LMOD1: variants seen among roughly 807,000 people sequenced by gnomAD.
LMOD1 encodes leiomodin 1, also known as leiomodin-1.
Under a neutral mutation model 36.5 loss-of-function variants are expected in LMOD1, and 8 were observed. The observed-to-expected ratio is 0.22, with a 90% CI of 0.13 to 0.40. The LOEUF (loss-of-function observed/expected upper bound fraction) is 0.40. LMOD1 is among the 10% of genes least tolerant of loss of function. LMOD1 has a pLI of 1.00. For missense variants in LMOD1, 630 were observed against 751.1 expected (o/e 0.84, Z 1.88); for synonymous variants, 284 against 288.7 (o/e 0.98, Z 0.17).
At chr1:201,933,420 A>G (rs1571590516) in intron 1 of LMOD1, among the ~76,000 whole-genome samples, 1 of 151,442 alleles carries the variant, frequency 6.6e-6, no homozygotes, top group Non-Finnish European at 1.5e-5. Context: ...GTCTCAAAAA[A>G]AAAAAAATGC....
At chr1:201,911,213 G>A (rs919423759) in intron 1 of LMOD1, among the ~76,000 whole-genome samples, 3 of 152,222 alleles carry the variant, frequency 2.0e-5, no homozygotes, top group Admixed American at 2.0e-4. Context: ...TCTGCAGAGA[G>A]ATGGTGAATC....
intron 1 of LMOD1, among the ~76,000 whole-genome samples, chr1:201,914,321 C>A (rs2102916305): frequency 6.6e-6 from 1 of 152,288 alleles, no homozygotes; most frequent in East Asian, 1.9e-4. Flanking sequence ...ATGCTGAGGA[C>A]CAGCTTGAGA....
chr1:201,916,502 G>A (rs550054324), intron 1 of LMOD1, among the ~76,000 whole-genome samples: 1 of 143,278 alleles, frequency 7.0e-6, no homozygotes, highest in Non-Finnish European at 1.5e-5. Flanking sequence ...GCAACAGAGA[G>A]AGACCCTGTC....
intron 1 of LMOD1, among the ~76,000 whole-genome samples, chr1:201,908,851 C>G (rs572955085): frequency 1.3e-5 from 2 of 152,356 alleles, no homozygotes; most frequent in South Asian, 4.1e-4. Flanking sequence ...CATGGCCCCT[C>G]AACTCCAGAG....
Position 201,923,637 on chromosome 1 carries a change from G to A in LMOD1, c.261+22443C>T, listed in dbSNP as rs188797685. On this transcript the variant is annotated intron_variant, in intron 1 of 2. Coordinates refer to ENST00000367288, the MANE Select transcript of LMOD1 (RefSeq NM_012134.3). ...CAGCACTTTGAGAGGCCAACGGGGG[G>A]CAGATTGCTTGAGTTCAGGAGTTCG... Among the ~76,000 whole-genome samples the A allele has an allele frequency of 2.6e-5, 4 of 151,878 alleles. No individual in the cohort carries two copies. In the East Asian group the frequency reaches 5.9e-4, roughly 22 times the overall value.
chr1:201,937,013 C>G (rs1056495092), intron 1 of LMOD1, among the ~76,000 whole-genome samples: 2 of 152,152 alleles, frequency 1.3e-5, no homozygotes, highest in Non-Finnish European at 2.9e-5. Flanking sequence ...GAAGTGGTCT[C>G]CCATTGATAT....
intron 1 of LMOD1, among the ~76,000 whole-genome samples, chr1:201,922,253 G>A (rs956328148): frequency 6.6e-6 from 1 of 152,108 alleles, no homozygotes. Context: ...AGACCCAAGA[G>A]AATTGAAAAT....
intron 1 of LMOD1, among the ~76,000 whole-genome samples, chr1:201,921,753 G>T (rs989659695): frequency 1.3e-5 from 2 of 151,872 alleles, no homozygotes; most frequent in African/African-American, 4.8e-5. Context: ...GAGGTCAGGA[G>T]ATCGAGACCA....
At chr1:201,920,474 C>A (rs74136677) in intron 1 of LMOD1, among the ~76,000 whole-genome samples, 1,894 of 152,158 alleles carry the variant, frequency 0.012, 41 homozygotes, top group African/African-American at 0.042. Context: ...TTGGAGACAC[C>A]GGTTTTTCCT....
intron 1 of LMOD1, among the ~76,000 whole-genome samples, chr1:201,937,941 A>G (rs1311419678): frequency 6.6e-6 from 1 of 152,180 alleles, no homozygotes; most frequent in African/African-American, 2.4e-5. Context: ...AGCATGATTC[A>G]TGAATTCTGT....
Position 201,899,261 on chromosome 1 carries a change from G to A in LMOD1, c.1752C>T (p.Ser584=). The A allele has an allele frequency of 1.3e-6, 2 of 1,598,738 alleles. No homozygotes were observed. Among genetic ancestry groups the A allele is most frequent in the Non-Finnish European group, 1.7e-6 (2 of 1,170,566 alleles). Residue 584 remains serine, a synonymous_variant, in exon 2 of 3, where the codon TCC becomes TCT. Transcript: ENST00000367288. The surrounding 1 kb of genome is among the most constrained non-coding windows in gnomAD (Gnocchi z 6.3). Reference sequence around the variant, plus strand: ...ACTTCTTGAGCTGCTTGAGGTTGCTGGAGCGGATGGCAGCCAATAGCTGGT... The same window carrying A: ...ACTTCTTGAGCTGCTTGAGGTTGCTAGAGCGGATGGCAGCCAATAGCTGGT... ...SRDQLLAAIR[S]SNLKQLKKVE...
chr1:201,935,923 G>A (rs1453133333), intron 1 of LMOD1, among the ~76,000 whole-genome samples: 1 of 148,928 alleles, frequency 6.7e-6, no homozygotes, highest in East Asian at 2.2e-4. Context: ...GACCATCCTG[G>A]CCAACATGGT....
rs1227637738 is a variant in LMOD1 at position 201,901,525 on chromosome 1, TATATGTATATATATATATATATATATAC to T, written c.262-802_262-775del. 1.4e-3 allele frequency among the ~76,000 whole-genome samples: 47 copies of T among 34,124 alleles called. 2 individuals carry two copies. In the East Asian group the frequency reaches 0.029, roughly 21 times the overall value. 22.4% of individuals were successfully genotyped at this position (34,124 alleles called of 152,430 possible). ...CTCAAAAAAAAAATATATATATATA[TATATGTATATATATATATATATATATAC>T]ATATATATATGTATATATATATATA... On this transcript the variant is annotated intron_variant, in intron 1 of 2. Coordinates refer to ENST00000367288, the MANE Select transcript of LMOD1 (RefSeq NM_012134.3).
At chr1:201,907,165 TG>T (rs1192071423) in intron 1 of LMOD1, among the ~76,000 whole-genome samples, 1 of 152,256 alleles carries the variant, frequency 6.6e-6, no homozygotes, top group Non-Finnish European at 1.5e-5. Context: ...ATGAGCCCAC[TG>T]GGTCTTTAGA....
chr1:201,946,147 C>A lies in LMOD1; in HGVS notation c.194G>T (p.Arg65Leu), dbSNP rs371919053. 1 of 1,613,890 alleles carries A rather than the reference C, an allele frequency of 6.2e-7. No homozygotes were observed. The highest frequency in any genetic ancestry group is 1.3e-5 in the African/African-American group (1 of 74,938). ...TTCACAGAAGTTGAGCATGGCCTCC[C>A]GGTTGTACACACCCGTGGACTGTTT... ...TEKQSTGVYN[R>L]EAMLNFCEKE... Residue 65 changes from arginine to leucine, a missense_variant, in exon 1 of 3, where the codon CGG becomes CTG. Coordinates refer to ENST00000367288, the MANE Select transcript of LMOD1 (RefSeq NM_012134.3).
rs867146453 is a variant in LMOD1 at position 201,921,921 on chromosome 1, G to C, written c.262-21170C>G. ...CTTGCAGTGAGCTGAGATCATGCCA[G>C]TGCACTCCAGCCTGGGCGACAGAGT... On this transcript the variant is annotated intron_variant, in intron 1 of 2. Coordinates refer to ENST00000367288, the MANE Select transcript of LMOD1 (RefSeq NM_012134.3). 1.3e-4 allele frequency among the ~76,000 whole-genome samples: 20 copies of C among 149,928 alleles called. No homozygotes were observed. The South Asian group carries it at 1.5e-3, about 11-fold the overall frequency.
chr1:201,945,158 T>G (rs768304365), intron 1 of LMOD1, among the ~76,000 whole-genome samples: 6 of 152,212 alleles, frequency 3.9e-5, no homozygotes, highest in Non-Finnish European at 7.3e-5. Context: ...AAAGTCATAC[T>G]TCATCGGAGG....
At chr1:201,903,482 C>T (rs1681362977) in intron 1 of LMOD1, among the ~76,000 whole-genome samples, 1 of 152,198 alleles carries the variant, frequency 6.6e-6, no homozygotes, top group African/African-American at 2.4e-5. Flanking sequence ...GGGTTTGACC[C>T]TGGAGCAGAA....
intron 1 of LMOD1, among the ~76,000 whole-genome samples, chr1:201,927,518 A>T (rs1372792438): frequency 6.6e-6 from 1 of 152,010 alleles, no homozygotes; most frequent in Non-Finnish European, 1.5e-5. Flanking sequence ...GTGAGCCAAG[A>T]TCACGCCACT....
Sources: gnomAD v4.1 joint callset for allele counts (sites outside exome capture counted in the v4.1 genomes callset) on GRCh38, gnomAD v4.1.1 for gene constraint, Gnocchi (gnomAD v3.1) non-coding constraint, MANE v1.5 for transcripts, NCBI Gene and HGNC (gene_info 2026-07-23, HGNC 2026-07-21) for gene names.